Variants in GOLIM4 observed in about 807,000 individuals in gnomAD.
The protein encoded by GOLIM4 is golgi integral membrane protein 4.
A neutral mutation model predicts 107.4 loss-of-function variants in GOLIM4; 71 were observed. That is an observed-to-expected ratio of 0.66 (90% CI 0.55 to 0.81). GOLIM4 has a LOEUF of 0.81. Among genes scored for constraint, GOLIM4 ranks in the 30% least tolerant of loss-of-function variants. The probability of loss-of-function intolerance (pLI) is 0.00; values close to 1 mark genes in which losing one functional copy is unlikely to be tolerated. For synonymous variants in GOLIM4, 327 were observed against 294.8 expected (o/e 1.11, Z -1.12); for missense variants, 830 against 826.1 (o/e 1.00, Z -0.06).
At chr3:168,037,599 C>T (rs1483140198) in intron 7 of GOLIM4, among the ~76,000 whole-genome samples, 1 of 152,106 alleles carries the variant, frequency 6.6e-6, no homozygotes, top group Non-Finnish European at 1.5e-5. Flanking sequence ...AACAGTGGCA[C>T]AGCTGTGATA....
rs374064981 is a variant in GOLIM4 at position 168,027,749 on chromosome 3, G to A, written c.1602C>T (p.Ala534=). The change falls in exon 12 of 16, where the codon GCC becomes GCT. Residue 534 remains alanine (A), a synonymous_variant. Coordinates refer to ENST00000470487, the MANE Select transcript of GOLIM4 (RefSeq NM_014498.5). ...HEPREQGPRE[A]DPESEADRAA... ...TTACATCTGCCTCAGATTCTGGGTC[G>A]GCTTCTCGGGGTCCTTGTTCACGAG... 125 of 1,607,492 alleles carry A rather than the reference G, an allele frequency of 7.8e-5. No individual in the cohort carries two copies. The highest frequency in any genetic ancestry group is 1.7e-4 in the African/African-American group (13 of 74,800).
rs1577497591 is a variant in GOLIM4, at chr3:168,012,741, T to C, written c.1861-1918A>G. 2.0e-5 allele frequency among the ~76,000 whole-genome samples: 3 copies of C among 152,100 alleles called. No individual in the cohort carries two copies. In the South Asian group the frequency reaches 6.2e-4, roughly 32 times the overall value. ...GAGAGTGGGGGCCAATATTCAACAT[T>C]CTTAAAGACAAAAATTTTCAACCCA... On this transcript the variant is annotated intron_variant, in intron 14 of 15. Coordinates refer to ENST00000470487, the MANE Select transcript of GOLIM4 (RefSeq NM_014498.5).
intron 5 of GOLIM4, among the ~76,000 whole-genome samples, chr3:168,042,373 C>T (rs970153145): frequency 1.2e-4 from 18 of 152,156 alleles, no homozygotes; most frequent in African/African-American, 4.3e-4. Context: ...CTCCGTCTCC[C>T]GGGTTCAAGC....
intron 1 of GOLIM4, among the ~76,000 whole-genome samples, chr3:168,091,445 A>T (rs975173977): frequency 5.9e-5 from 9 of 152,240 alleles, no homozygotes; most frequent in African/African-American, 2.2e-4. Flanking sequence ...GAACAGAGTT[A>T]ATCAGTAACC....
chr3:168,075,300 T>G (rs931696121), intron 1 of GOLIM4, among the ~76,000 whole-genome samples: 3 of 136,534 alleles, frequency 2.2e-5, no homozygotes, highest in Admixed American at 2.2e-4. Context: ...TTTTTTTTTT[T>G]TTTTTTTTTT....
rs1721074384 is a variant in GOLIM4 at position 168,076,134 on chromosome 3, A to G, written c.187+18965T>C. 2.6e-5 allele frequency among the ~76,000 whole-genome samples: 4 copies of G among 152,194 alleles called. No individual in the cohort carries two copies. The South Asian group carries it at 8.3e-4, about 32-fold the overall frequency. On this transcript the variant is annotated intron_variant, in intron 1 of 15. Coordinates refer to ENST00000470487, the MANE Select transcript of GOLIM4 (RefSeq NM_014498.5). ...ATAAATTTTCCACAACCTTTTCCCA[A>G]AGTCTTGGGTATGAACATTTATAGT...
chr3:168,024,875 T>C, intron 13 of GOLIM4, 53 bp downstream of exon 13: 1 of 1,518,536 alleles, frequency 6.6e-7, no homozygotes, highest in Non-Finnish European at 9.1e-7. Flanking sequence ...ATAAACCAGA[T>C]GTTTCTTAAA....
At chr3:168,018,141 G>C (rs9942126) in intron 14 of GOLIM4, among the ~76,000 whole-genome samples, 3,771 of 152,012 alleles carry the variant, frequency 0.025, 160 homozygotes, top group African/African-American at 0.088. Context: ...AAGAAAGTCC[G>C]ATCTTTTCTA....
At chr3:168,080,846 G>C (rs1721325823) in intron 1 of GOLIM4, among the ~76,000 whole-genome samples, 1 of 152,190 alleles carries the variant, frequency 6.6e-6, no homozygotes, top group South Asian at 2.1e-4. Context: ...TCAAAGCACT[G>C]TGTGGGCTAA....
At chr3:168,012,922 C>A (rs1435721404) in intron 14 of GOLIM4, among the ~76,000 whole-genome samples, 1 of 151,472 alleles carries the variant, frequency 6.6e-6, no homozygotes, top group Non-Finnish European at 1.5e-5. Context: ...CCGGAACCAG[C>A]CACTGCAAAA....
intron 1 of GOLIM4, among the ~76,000 whole-genome samples, chr3:168,090,184 CAAAAAACACTT>C (rs1445588286): frequency 6.6e-6 from 1 of 151,786 alleles, no homozygotes; most frequent in Non-Finnish European, 1.5e-5. Flanking sequence ...GAGCCCAATG[CAAAAAACACTT>C]AAATAACAAA....
intron 14 of GOLIM4, among the ~76,000 whole-genome samples, chr3:168,013,668 A>G (rs1189698513): frequency 7.9e-5 from 12 of 151,790 alleles, no homozygotes; most frequent in African/African-American, 2.9e-4. Flanking sequence ...AATGTAAAAG[A>G]ACAGAAATTA....
intron 1 of GOLIM4, among the ~76,000 whole-genome samples, chr3:168,085,068 A>C (rs1331945130): frequency 1.3e-5 from 2 of 152,194 alleles, no homozygotes; most frequent in Non-Finnish European, 2.9e-5. Context: ...GTAAACTATG[A>C]GAAGAAAGAG....
chr3:168,031,200 A>T (rs933893503), intron 9 of GOLIM4, among the ~76,000 whole-genome samples: 1 of 152,184 alleles, frequency 6.6e-6, no homozygotes, highest in Non-Finnish European at 1.5e-5. Flanking sequence ...AAGGGGGATG[A>T]AGAGAGACTG....
At chr3:168,015,975 G>A (rs1717339868) in intron 14 of GOLIM4, among the ~76,000 whole-genome samples, 1 of 133,834 alleles carries the variant, frequency 7.5e-6, no homozygotes, top group Non-Finnish European at 1.5e-5. Context: ...CAGGACATAG[G>A]CATGGGCAAG....
At chr3:168,082,955 T>C (rs986398531) in intron 1 of GOLIM4, among the ~76,000 whole-genome samples, 2 of 152,156 alleles carry the variant, frequency 1.3e-5, no homozygotes, top group African/African-American at 4.8e-5. Flanking sequence ...CAATCCAATC[T>C]CTTATAGAAA....
intron 14 of GOLIM4, among the ~76,000 whole-genome samples, chr3:168,023,625 G>A (rs1717833922): frequency 1.3e-5 from 2 of 152,208 alleles, no homozygotes; most frequent in South Asian, 4.1e-4. Context: ...GTTCCCCATA[G>A]GGATAAAACC....
chr3:168,022,099 T>C (rs961490700), intron 14 of GOLIM4, among the ~76,000 whole-genome samples: 11 of 152,198 alleles, frequency 7.2e-5, no homozygotes, highest in Non-Finnish European at 1.2e-4. Flanking sequence ...CAGAGTAGTA[T>C]AAATTTCCTA....
intron 1 of GOLIM4, among the ~76,000 whole-genome samples, chr3:168,052,613 T>A (rs1719719408): frequency 1.3e-5 from 2 of 152,160 alleles, no homozygotes; most frequent in South Asian, 4.1e-4. Context: ...TGTACCTCTT[T>A]TAGAAAACTT....
Sources: gnomAD v4.1 joint callset for allele counts (sites outside exome capture counted in the v4.1 genomes callset) on GRCh38, gnomAD v4.1.1 for gene constraint, MANE v1.5 for transcripts, NCBI Gene and HGNC (gene_info 2026-07-23, HGNC 2026-07-21) for gene names.